BAZ1A: variants seen among roughly 807,000 people sequenced by gnomAD.
BAZ1A encodes bromodomain adjacent to zinc finger domain 1A, also known as bromodomain adjacent to zinc finger domain protein 1A.
In BAZ1A, 50 loss-of-function variants were observed where a neutral mutation model predicts 185.2. The ratio of observed to expected loss-of-function variants is 0.27; its 90% CI spans 0.22 to 0.34. BAZ1A has a LOEUF of 0.34. Ranked by LOEUF, BAZ1A falls within the 10% of genes least tolerant of loss-of-function variation. The pLI is 1.00. For synonymous variants in BAZ1A, 571 were observed against 615.6 expected, an observed-to-expected ratio of 0.93 and a Z score of 1.07; for missense variants, 1,356 against 1,839.9, an observed-to-expected ratio of 0.74 and a Z score of 4.81.
intron 2 of BAZ1A, among the ~76,000 whole-genome samples, chr14:34,869,615 A>T (rs1389867054): frequency 6.6e-6 from 1 of 152,218 alleles, no homozygotes; most frequent in African/African-American, 2.4e-5. Flanking sequence ...TTGATGGATA[A>T]CATATATTAG....
chr14:34,826,703 G>T (rs182759635), intron 3 of BAZ1A, among the ~76,000 whole-genome samples: 1 of 152,158 alleles, frequency 6.6e-6, no homozygotes, highest in Non-Finnish European at 1.5e-5. Flanking sequence ...TCATGTTGTT[G>T]TAGTCAGAGA....
intron 9 of BAZ1A, among the ~76,000 whole-genome samples, chr14:34,797,896 C>G (rs547807366): frequency 6.6e-6 from 1 of 152,374 alleles, no homozygotes; most frequent in East Asian, 1.9e-4. Flanking sequence ...TGCAAGGGGT[C>G]AGGGGATTTT....
chr14:34,867,048 A>G (rs2138833988), intron 2 of BAZ1A, among the ~76,000 whole-genome samples: 1 of 152,066 alleles, frequency 6.6e-6, no homozygotes, highest in South Asian at 2.1e-4. Flanking sequence ...TCGCGAGGTC[A>G]GGAGATCGAG....
Position 34,795,710 on chromosome 14 carries a change from C to T in BAZ1A, c.1184G>A (p.Trp395Ter), listed in dbSNP as rs1474136995. 1.2e-6 allele frequency: 2 copies of T among 1,612,688 alleles called. No homozygotes were observed. The highest frequency in any genetic ancestry group is 1.7e-6 in the Non-Finnish European group (2 of 1,179,630). The change falls in exon 10 of 27, where the codon TGG becomes TAG. Residue 395 changes from tryptophan (W) to a stop codon, truncating the protein, a stop_gained. Transcript: ENST00000360310. LOFTEE classifies it high-confidence loss of function. ...KRKYVEYLKQWSKPREDMECD... is the reference protein window; with the variant it reads ...KRKYVEYLKQ ...TTCCATATCTTCTCTAGGTTTACTC[C>T]ACTGTTTTAAGTATTCCACATACTT... is the stretch of plus-strand genomic sequence containing the variant.
intron 7 of BAZ1A, 67 bp downstream of exon 7, chr14:34,802,787 T>C (rs1881635691): frequency 2.0e-6 from 3 of 1,505,500 alleles, no homozygotes; most frequent in Non-Finnish European, 2.7e-6. Context: ...GAGACAAACA[T>C]ACTTCTTGAT....
chr14:34,765,959 A>C (rs1312332629), intron 21 of BAZ1A, among the ~76,000 whole-genome samples: 1 of 152,218 alleles, frequency 6.6e-6, no homozygotes, highest in Non-Finnish European at 1.5e-5. Flanking sequence ...TGCAAGGTAT[A>C]TAAGACTCCA....
At chr14:34,782,585 G>C (rs1880110863) in intron 16 of BAZ1A, among the ~76,000 whole-genome samples, 1 of 152,012 alleles carries the variant, frequency 6.6e-6, no homozygotes, top group Non-Finnish European at 1.5e-5. Flanking sequence ...TCTACTGCGA[G>C]TTTGTGACCT....
chr14:34,832,250 TA>T (rs1212112611), intron 3 of BAZ1A, among the ~76,000 whole-genome samples: 19 of 103,262 alleles, frequency 1.8e-4, no homozygotes, highest in African/African-American at 6.2e-4. Context: ...GTATATTTCC[TA>T]ACAAAGAAAA....
At chr14:34,781,568 A>G (rs1042907542) in intron 16 of BAZ1A, among the ~76,000 whole-genome samples, 1 of 149,516 alleles carries the variant, frequency 6.7e-6, no homozygotes, top group African/African-American at 2.5e-5. Flanking sequence ...TCTGCTGCCC[A>G]GGCTGGAGCA....
At chr14:34,856,884 C>A (rs1304384402) in intron 3 of BAZ1A, among the ~76,000 whole-genome samples, 1 of 145,904 alleles carries the variant, frequency 6.9e-6, no homozygotes, top group Non-Finnish European at 1.5e-5. Flanking sequence ...AAAAAAGTCA[C>A]TTATGAGTAA....
chr14:34,786,529 C>G, intron 12 of BAZ1A: 1 of 237,554 alleles, frequency 4.2e-6, no homozygotes, highest in South Asian at 7.4e-5. Context: ...AACAAATCTC[C>G]TCACTCAATA....
At chr14:34,818,019 CA>C (rs2042033118) in intron 4 of BAZ1A, among the ~76,000 whole-genome samples, 2 of 152,130 alleles carry the variant, frequency 1.3e-5, no homozygotes, top group Admixed American at 1.3e-4. Context: ...AACAGGGACT[CA>C]AGCAGATCCC....
chr14:34,846,519 G>A (rs986212044), intron 3 of BAZ1A, among the ~76,000 whole-genome samples: 1 of 152,146 alleles, frequency 6.6e-6, no homozygotes, highest in Non-Finnish European at 1.5e-5. Flanking sequence ...GCATAAAGCA[G>A]TTGAGTCCAT....
In BAZ1A at chr14:34,830,849, G is replaced by A. The variant is rs12589723; in HGVS notation, c.393-4693C>T. On this transcript the variant is annotated intron_variant, in intron 3 of 26. Coordinates refer to ENST00000360310, the MANE Select transcript of BAZ1A (RefSeq NM_013448.3). ...CAGCTCACTGCAACTTCTGCCTCCC[G>A]GGTTCAACTGATTCTCCCACCTCAG... Among the ~76,000 whole-genome samples, 4 of 146,220 alleles carry A rather than the reference G, an allele frequency of 2.7e-5. No homozygotes were observed. In the South Asian group the frequency reaches 8.7e-4, roughly 32 times the overall value.
intron 4 of BAZ1A, among the ~76,000 whole-genome samples, chr14:34,813,459 G>T (rs1387847965): frequency 6.6e-6 from 1 of 152,122 alleles, no homozygotes; most frequent in Non-Finnish European, 1.5e-5. Flanking sequence ...GAGGCAGGTG[G>T]ATCACCTGAG....
rs557033438 is a variant in BAZ1A, at chr14:34,838,709, G to C, written c.393-12553C>G. Among the ~76,000 whole-genome samples the C allele has an allele frequency of 2.7e-3, 408 of 151,922 alleles. 1 individual carries two copies. Among genetic ancestry groups the C allele is most frequent in the African/African-American group, 9.3e-3 (384 of 41,414 alleles). On this transcript the variant is annotated intron_variant, in intron 3 of 26. Transcript: ENST00000360310. ...CCGGCTAATTTTTGTATTTTTAGTA[G>C]AGACAGGGTTTCACCATGTTAACCA...
At chr14:34,776,956 G>A (rs1050930333) in intron 17 of BAZ1A, among the ~76,000 whole-genome samples, 3 of 152,236 alleles carry the variant, frequency 2.0e-5, no homozygotes, top group East Asian at 1.9e-4. Context: ...GTGGTATTTC[G>A]TTATGGCAGC....
chr14:34,874,751 C>T lies in BAZ1A; in HGVS notation c.-58-89G>A, dbSNP rs1395953107. On this transcript the variant is annotated intron_variant, in intron 1 of 26. Coordinates refer to ENST00000360310, the MANE Select transcript of BAZ1A (RefSeq NM_013448.3). The surrounding 1 kb of genome is among the most constrained non-coding windows in gnomAD (Gnocchi z 4.7). Reference sequence around the variant, plus strand: ...GGTCCGCGCGCTGGGAGAAGCTCGGCTGCCTTTTGTGTGACTGACGCGCCG... The same window carrying T: ...GGTCCGCGCGCTGGGAGAAGCTCGGTTGCCTTTTGTGTGACTGACGCGCCG... The T allele has an allele frequency of 1.7e-6, 1 of 595,218 alleles. No individual in the cohort carries two copies. Among genetic ancestry groups the T allele is most frequent in the African/African-American group, 2.0e-5 (1 of 50,302 alleles). 36.9% of individuals were successfully genotyped at this position (595,218 alleles called of 1,614,324 possible). A position where few individuals can be genotyped will look rare whatever the true frequency, so the allele number is the denominator to read the frequency against.
chr14:34,766,209 C>T (rs1458605241), intron 21 of BAZ1A, among the ~76,000 whole-genome samples: 8 of 152,086 alleles, frequency 5.3e-5, no homozygotes, highest in African/African-American at 9.7e-5. Context: ...TGAGATAATA[C>T]GCATAAGGCA....
Sources: allele counts gnomAD v4.1 joint callset (sites outside exome capture counted in the v4.1 genomes callset), GRCh38; gene constraint gnomAD v4.1.1; non-coding constraint Gnocchi (gnomAD v3.1); transcripts MANE v1.5; gene names NCBI Gene and HGNC (gene_info 2026-07-23, HGNC 2026-07-21).